The following EFCAB13 variants were observed in gnomAD, a reference collection of about 807,000 sequenced individuals.
EFCAB13 encodes the protein EF-hand calcium-binding domain-containing protein 13.
Under a neutral mutation model 110.2 loss-of-function variants are expected in EFCAB13, and 91 were observed. That is an observed-to-expected ratio of 0.83 (90% CI 0.70 to 0.98). EFCAB13 has a LOEUF of 0.98. Ranked by LOEUF, EFCAB13 falls within the 50% of genes least tolerant of loss-of-function variation. EFCAB13 has a pLI of 0.00. For missense variants in EFCAB13, 968 were observed against 1,119.4 expected (o/e 0.86, Z 1.93); for synonymous variants, 323 against 369.9 (o/e 0.87, Z 1.45).
At chr17:47,366,500 A>G (rs1034922121) in intron 10 of EFCAB13, among the ~76,000 whole-genome samples, 1 of 152,144 alleles carries the variant, frequency 6.6e-6, no homozygotes, top group Admixed American at 6.5e-5. Flanking sequence ...ATATGACCTT[A>G]ATAATTAGGA....
chr17:47,380,410 T>C (rs2065640604), intron 14 of EFCAB13, among the ~76,000 whole-genome samples: 1 of 152,258 alleles, frequency 6.6e-6, no homozygotes, highest in Non-Finnish European at 1.5e-5. Context: ...GGACAGGAAC[T>C]CATTCTTTGT....
At chr17:47,379,634 A>G (rs541646959) in intron 14 of EFCAB13, among the ~76,000 whole-genome samples, 1 of 152,208 alleles carries the variant, frequency 6.6e-6, no homozygotes, top group East Asian at 1.9e-4. Context: ...GAACTTTTAA[A>G]AACAGCTTTA....
intron 16 of EFCAB13, 69 bp downstream of exon 16, chr17:47,394,168 A>T: frequency 9.7e-7 from 1 of 1,026,750 alleles, no homozygotes; most frequent in Non-Finnish European, 1.4e-6. Flanking sequence ...GAAGAGCGTA[A>T]ACACTCTTTT....
chr17:47,379,366 C>A, intron 14 of EFCAB13, 113 bp downstream of exon 14: 2 of 732,704 alleles, frequency 2.7e-6, no homozygotes, highest in Non-Finnish European at 4.5e-6. Flanking sequence ...AGTCCTGTGA[C>A]TCTTAGGCAA....
chr17:47,337,003 G>A (rs552563047), intron 5 of EFCAB13, among the ~76,000 whole-genome samples: 1 of 152,228 alleles, frequency 6.6e-6, no homozygotes, highest in East Asian at 1.9e-4. Flanking sequence ...GATTGGAGAG[G>A]CACCTAAATA....
intron 9 of EFCAB13, among the ~76,000 whole-genome samples, chr17:47,353,748 A>G (rs1410080691): frequency 6.6e-6 from 1 of 152,228 alleles, no homozygotes; most frequent in Non-Finnish European, 1.5e-5. Context: ...AGTGAACAAT[A>G]TAGATATGAT....
At chr17:47,352,061 C>G (rs2065456600) in intron 9 of EFCAB13, among the ~76,000 whole-genome samples, 1 of 151,906 alleles carries the variant, frequency 6.6e-6, no homozygotes, top group South Asian at 2.1e-4. Flanking sequence ...GCCACCACGC[C>G]TGGCTAATTT....
Position 47,337,460 on chromosome 17 carries a change from T to C in EFCAB13, c.191+2104T>C, listed in dbSNP as rs9895843. ...TATGTGCATGTAAGAAATCTGCACTTGTACCCTCTAAATATATAAAAATAA... is the reference window on the plus strand; with the variant it reads ...TATGTGCATGTAAGAAATCTGCACTCGTACCCTCTAAATATATAAAAATAA... On this transcript the variant is annotated intron_variant, in intron 5 of 24. Coordinates refer to ENST00000331493, the MANE Select transcript of EFCAB13 (RefSeq NM_152347.5). Among the ~76,000 whole-genome samples, 1,351 of 152,288 alleles carry C rather than the reference T, an allele frequency of 8.9e-3. 11 individuals are homozygous for C. Among genetic ancestry groups the C allele is most frequent in the African/African-American group, 0.031 (1,297 of 41,554 alleles).
rs571361379 is a variant in EFCAB13 at position 47,352,405 on chromosome 17, T to A, written c.661+4454T>A. On this transcript the variant is annotated intron_variant, in intron 9 of 24. Transcript: ENST00000331493. ...TTGTCAAAGATCAGGTGGCTATAGA[T>A]ATGAAGCTTCATTTCTGGGTTCTGT... 3.3e-5 allele frequency among the ~76,000 whole-genome samples: 5 copies of A among 152,288 alleles called. No individual in the cohort carries two copies. The South Asian group carries it at 6.2e-4, about 19-fold the overall frequency.
chr17:47,347,453 G>T (rs962974104), intron 8 of EFCAB13, among the ~76,000 whole-genome samples: 3 of 152,156 alleles, frequency 2.0e-5, no homozygotes, highest in Non-Finnish European at 4.4e-5. Flanking sequence ...ACAGTTTAGT[G>T]AGGGATATTG....
chr17:47,425,861 C>T (rs1292965838), intron 23 of EFCAB13, among the ~76,000 whole-genome samples: 2 of 152,172 alleles, frequency 1.3e-5, no homozygotes, highest in African/African-American at 4.8e-5. Flanking sequence ...GCAGAACTAT[C>T]GTAAACGCAA....
intron 24 of EFCAB13, among the ~76,000 whole-genome samples, chr17:47,435,790 A>C (rs1036800068): frequency 8.6e-5 from 13 of 151,930 alleles, no homozygotes; most frequent in African/African-American, 3.1e-4. Flanking sequence ...TTCTCTTGCC[A>C]TATTACTCTG....
chr17:47,351,250 A>G (rs2065448021), intron 9 of EFCAB13, among the ~76,000 whole-genome samples: 1 of 143,338 alleles, frequency 7.0e-6, no homozygotes, highest in East Asian at 2.0e-4. Context: ...ATGTTATTTC[A>G]TTCTTTTCTG....
chr17:47,421,187 T>C (rs1381638181), intron 23 of EFCAB13, among the ~76,000 whole-genome samples: 1 of 151,126 alleles, frequency 6.6e-6, no homozygotes, highest in Non-Finnish European at 1.5e-5. Context: ...ACAATGGCGG[T>C]TTTGTGGAAT....
At chr17:47,396,228 T>C (rs1052366876) in intron 17 of EFCAB13, among the ~76,000 whole-genome samples, 1 of 149,640 alleles carries the variant, frequency 6.7e-6, no homozygotes, top group Admixed American at 6.6e-5. Context: ...TCAAGTTGTG[T>C]GGTATGTTAC....
chr17:47,325,756 T>C (rs904223208), intron 2 of EFCAB13, among the ~76,000 whole-genome samples: 1 of 151,582 alleles, frequency 6.6e-6, no homozygotes, highest in African/African-American at 2.4e-5. Flanking sequence ...TTCTGTTCCC[T>C]GCATCTCTTC....
At chr17:47,331,688 G>A (rs1360256745) in intron 4 of EFCAB13, among the ~76,000 whole-genome samples, 1 of 152,030 alleles carries the variant, frequency 6.6e-6, no homozygotes, top group Non-Finnish European at 1.5e-5. Flanking sequence ...GTATCATACA[G>A]AATAATCACA....
At chr17:47,349,296 C>T (rs1340687933) in intron 9 of EFCAB13, among the ~76,000 whole-genome samples, 2 of 152,116 alleles carry the variant, frequency 1.3e-5, no homozygotes, top group African/African-American at 4.8e-5. Flanking sequence ...ACATAGATAA[C>T]ATCACTGATG....
intron 9 of EFCAB13, among the ~76,000 whole-genome samples, chr17:47,350,214 C>A (rs1021960422): frequency 2.6e-5 from 4 of 152,030 alleles, no homozygotes; most frequent in Non-Finnish European, 4.4e-5. Context: ...TACAAATCTC[C>A]CACTAGTGTG....
Sources: allele counts gnomAD v4.1 joint callset (sites outside exome capture counted in the v4.1 genomes callset), GRCh38; gene constraint gnomAD v4.1.1; transcripts MANE v1.5; gene names NCBI Gene and HGNC (gene_info 2026-07-23, HGNC 2026-07-21).